Variants in GALNT13 observed in about 807,000 individuals in gnomAD.
GALNT13 encodes the protein UDP-GalNAc:polypeptide N-acetylgalactosaminyltransferase 13.
GALNT13 carries 28 observed loss-of-function variants against 64.2 expected under a neutral mutation model. The ratio of observed to expected loss-of-function variants is 0.44; its 90% confidence interval spans 0.32 to 0.60. The LOEUF (loss-of-function observed/expected upper bound fraction) is 0.60, where lower values mean the gene tolerates loss of function less well. GALNT13 is among the 20% of genes least tolerant of loss of function. GALNT13 has a pLI of 0.05. For synonymous variants in GALNT13, 214 were observed against 224.6 expected, an observed-to-expected ratio of 0.95 and a Z score of 0.42; for missense variants, 577 against 669.8, an observed-to-expected ratio of 0.86 and a Z score of 1.53.
the GALNT13 span, among the ~76,000 whole-genome samples, chr2:153,359,797 G>T: frequency 6.6e-6 from 1 of 152,042 alleles, no homozygotes; most frequent in Non-Finnish European, 1.5e-5. Flanking sequence ...TATTAAAGAT[G>T]CTAATGGAAA....
At chr2:153,719,323 T>G in the GALNT13 span, among the ~76,000 whole-genome samples, 1 of 152,288 alleles carries the variant, frequency 6.6e-6, no homozygotes, top group Non-Finnish European at 1.5e-5. Flanking sequence ...TATGTTCAAC[T>G]TACAAAGAAC....
intron 8 of GALNT13, among the ~76,000 whole-genome samples, chr2:154,299,582 G>A (rs950543127): frequency 6.6e-6 from 1 of 151,000 alleles, no homozygotes; most frequent in African/African-American, 2.4e-5. Context: ...AGCCTCCAGA[G>A]TAGCTGGGAC....
At chr2:154,313,355 A>G (rs907796783) in intron 9 of GALNT13, among the ~76,000 whole-genome samples, 4 of 148,138 alleles carry the variant, frequency 2.7e-5, no homozygotes, top group African/African-American at 7.4e-5. Flanking sequence ...ATATTTATAC[A>G]TATATATACA....
At chr2:153,326,197 C>G in the GALNT13 span, among the ~76,000 whole-genome samples, 1 of 151,916 alleles carries the variant, frequency 6.6e-6, no homozygotes, top group Non-Finnish European at 1.5e-5. Context: ...ATAGTTAGTT[C>G]TTCTTGTTGC....
intron 2 of GALNT13, among the ~76,000 whole-genome samples, chr2:153,940,702 G>A (rs1691282919): frequency 6.6e-6 from 1 of 152,094 alleles, no homozygotes; most frequent in African/African-American, 2.4e-5. Context: ...GTTCACAGAA[G>A]CTCCTGCCTA....
chr2:153,694,708 C>A, the GALNT13 span, among the ~76,000 whole-genome samples: 1,531 of 152,116 alleles, frequency 0.01, 27 homozygotes, highest in African/African-American at 0.034. Context: ...CATTGAGTTG[C>A]ATCTTCAAAT....
chr2:153,535,223 T>A, the GALNT13 span, among the ~76,000 whole-genome samples: 1 of 152,008 alleles, frequency 6.6e-6, no homozygotes, highest in Admixed American at 6.6e-5. Flanking sequence ...TTTGTATGAA[T>A]TGAAAAACCA....
the GALNT13 span, among the ~76,000 whole-genome samples, chr2:153,552,575 C>CTTT: frequency 0.046 from 3,064 of 67,210 alleles, 12 homozygotes; most frequent in Non-Finnish European, 0.055. Flanking sequence ...GCTTCTTCTT[C>CTTT]TTTTTTTTTT....
the GALNT13 span, among the ~76,000 whole-genome samples, chr2:153,350,723 G>T: frequency 6.6e-6 from 1 of 152,026 alleles, no homozygotes; most frequent in Non-Finnish European, 1.5e-5. Flanking sequence ...CTCAACCATG[G>T]TGGAGCTGGT....
chr2:153,282,342 G>T, the GALNT13 span, among the ~76,000 whole-genome samples: 9 of 152,222 alleles, frequency 5.9e-5, no homozygotes, highest in South Asian at 1.9e-3. Flanking sequence ...CTTCCTTGCA[G>T]TCCATGCTTT....
chr2:153,725,543 A>G, the GALNT13 span, among the ~76,000 whole-genome samples: 64 of 152,010 alleles, frequency 4.2e-4, no homozygotes, highest in African/African-American at 1.3e-3. Flanking sequence ...TAAAGTCCAA[A>G]ATAATATAAA....
intron 2 of GALNT13, among the ~76,000 whole-genome samples, chr2:153,909,491 A>G (rs1688800340): frequency 1.3e-5 from 2 of 151,938 alleles, no homozygotes; most frequent in African/African-American, 4.8e-5. Context: ...GAGTGGTGAG[A>G]GGGGGCATCC....
intron 3 of GALNT13, among the ~76,000 whole-genome samples, chr2:154,126,537 A>C (rs1682277334): frequency 6.6e-6 from 1 of 151,736 alleles, no homozygotes; most frequent in Non-Finnish European, 1.5e-5. Flanking sequence ...AGGGAGGCTG[A>C]GGCAGGAGAA....
the GALNT13 span, among the ~76,000 whole-genome samples, chr2:153,496,407 A>T: frequency 6.6e-6 from 1 of 152,208 alleles, no homozygotes; most frequent in Non-Finnish European, 1.5e-5. Context: ...TCAGCTAAAT[A>T]ATTGATGTGA....
chr2:153,660,244 G>A, the GALNT13 span, among the ~76,000 whole-genome samples: 2 of 152,222 alleles, frequency 1.3e-5, no homozygotes, highest in East Asian at 1.9e-4. Flanking sequence ...TAGTGATGAG[G>A]GGTAACCAGA....
At chr2:153,144,115 C>A in the GALNT13 span, among the ~76,000 whole-genome samples, 2 of 152,048 alleles carry the variant, frequency 1.3e-5, 1 homozygote, top group South Asian at 4.2e-4. Flanking sequence ...ATAAATAATT[C>A]TTTTCTCCAT....
At position 154,047,023 on chromosome 2, in the gene GALNT13, T is replaced by C. The variant is rs148874379; in HGVS notation, c.143-93314T>C. Among the ~76,000 whole-genome samples, 301 of 152,282 alleles carry C rather than the reference T, an allele frequency of 2.0e-3. 2 individuals carry two copies. The South Asian group carries it at 0.027, about 14-fold the overall frequency. On this transcript the variant is annotated intron_variant, in intron 3 of 12. Transcript: ENST00000392825. ...TTTTTATTTTCCCTGAGTGAATTTT[T>C]AGTAGCACATATCTTTTCTGTGCTG...
chr2:153,665,778 T>G, the GALNT13 span, among the ~76,000 whole-genome samples: 1 of 152,018 alleles, frequency 6.6e-6, no homozygotes, highest in South Asian at 2.1e-4. Context: ...TGCATGGAAC[T>G]CTGGAATCCT....
chr2:154,450,531 A>T lies in GALNT13; in HGVS notation c.1651A>T (p.Asn551Tyr), dbSNP rs750738168. 6.2e-7 allele frequency: 1 copy of T among 1,609,614 alleles called. No individual in the cohort carries two copies. Among genetic ancestry groups the T allele is most frequent in the Non-Finnish European group, 8.5e-7 (1 of 1,178,356 alleles). ...CAGATCCCAACAGTGGCTGCTAAGG[A>T]ACATGACCTTGGGCACATGAAGATC... ...GSRSQQWLLR[N>Y]MTLGT The change falls in exon 13 of 13, where the codon AAC becomes TAC. Residue 551 changes from asparagine (N) to tyrosine (Y), a missense_variant. Physicochemically the swap from Asn to Tyr is moderately radical, Grantham distance 143 (BLOSUM62 -2). Transcript: ENST00000392825.
Sources: gnomAD v4.1 joint callset for allele counts (sites outside exome capture counted in the v4.1 genomes callset) on GRCh38, gnomAD v4.1.1 for gene constraint, MANE v1.5 for transcripts, NCBI Gene and HGNC (gene_info 2026-07-23, HGNC 2026-07-21) for gene names.